The following BAZ2A variants were observed in gnomAD, a reference collection of about 807,000 sequenced individuals.
BAZ2A encodes the protein bromodomain adjacent to zinc finger domain protein 2A.
BAZ2A carries 34 observed loss-of-function variants against 199.9 expected under a neutral mutation model. The ratio of observed to expected loss-of-function variants is 0.17; its 90% CI spans 0.13 to 0.23. The LOEUF (loss-of-function observed/expected upper bound fraction) is 0.23. Ranked by LOEUF, BAZ2A falls within the 10% of genes least tolerant of loss-of-function variation. The pLI, the probability that BAZ2A is intolerant of heterozygous loss-of-function variation, is 1.00. For synonymous variants in BAZ2A, 857 were observed against 883.9 expected, an observed-to-expected ratio of 0.97 and a Z score of 0.54; for missense variants, 2,002 against 2,391.1, an observed-to-expected ratio of 0.84 and a Z score of 3.39.
chr12:56,624,257 C>G (rs1444170153), intron 1 of BAZ2A, among the ~76,000 whole-genome samples: 2 of 152,106 alleles, frequency 1.3e-5, no homozygotes, highest in Admixed American at 6.5e-5. Context: ...CCTTAACTAC[C>G]TTCCCTAGTC....
chr12:56,619,522 A>AG (rs1295753202), intron 1 of BAZ2A, among the ~76,000 whole-genome samples: 5 of 151,616 alleles, frequency 3.3e-5, no homozygotes, highest in South Asian at 2.1e-4. Context: ...AAAAAAAAAA[A>AG]AAAAGAAAAG....
At position 56,598,617 on chromosome 12, in the gene BAZ2A, C is replaced by T. The variant is rs757501515; in HGVS notation, c.*1G>A. 1.2e-6 allele frequency: 2 copies of T among 1,613,142 alleles called. No homozygotes were observed. The highest frequency in any genetic ancestry group is 3.3e-5 in the Admixed American group (2 of 59,944). ...CAAGGTGACTCCCCACCTCCCTTGC[C>T]TCACAGATTGGCCTGTTTTCCCTGA... On this transcript the variant is annotated 3_prime_UTR_variant, in exon 29 of 29. Transcript: ENST00000549884.
At position 56,601,362 on chromosome 12, in the gene BAZ2A, T is replaced by A. The variant is rs770383582; in HGVS notation, c.4112A>T (p.Gln1371Leu). The stretch of plus-strand genomic sequence containing the variant: ...CCCAGCCAAGGGCGTGGAAGAGAAC[T>A]GCACTGGAGAACAAGGGTTGGCAGC... ...PSAANPCSPV[Q>L]FSSTPLAGLA... The change falls in exon 21 of 29, where the codon CAG becomes CTG. Residue 1371 changes from glutamine (Q) to leucine (L), a missense_variant. This residue lies in a region of BAZ2A where 1,081 missense variants were observed against 1,274.7 expected (regional missense o/e 0.85). Coordinates refer to ENST00000549884, the MANE Select transcript of BAZ2A (RefSeq NM_001300905.2). The A allele has an allele frequency of 9.9e-6, 16 of 1,613,864 alleles. No homozygotes were observed. Among genetic ancestry groups the A allele is most frequent in the Non-Finnish European group, 1.3e-5 (15 of 1,179,870 alleles).
intron 1 of BAZ2A, 123 bp from the exon 2 acceptor site, chr12:56,617,655 T>C (rs1950766759): frequency 3.8e-6 from 4 of 1,052,256 alleles, no homozygotes; most frequent in Non-Finnish European, 5.3e-6. Flanking sequence ...ACCTAAGTAC[T>C]GTGTGAGGGA....
chr12:56,616,504 G>A (rs1950728268), intron 2 of BAZ2A, among the ~76,000 whole-genome samples: 1 of 152,190 alleles, frequency 6.6e-6, no homozygotes, highest in South Asian at 2.1e-4. Flanking sequence ...GCATTGGAAG[G>A]TAATATGCCA....
chr12:56,616,851 A>G (rs1014854169), intron 2 of BAZ2A, among the ~76,000 whole-genome samples: 10 of 152,182 alleles, frequency 6.6e-5, no homozygotes, highest in Non-Finnish European at 1.3e-4. Flanking sequence ...AAATCCAGGA[A>G]AAGACCCAAT....
At chr12:56,625,322 A>G (rs1036373571) in intron 1 of BAZ2A, among the ~76,000 whole-genome samples, 1 of 151,508 alleles carries the variant, frequency 6.6e-6, no homozygotes, top group African/African-American at 2.4e-5. Context: ...CACCCGGCTA[A>G]TTTTCATATT....
chr12:56,628,199 AGAC>A (rs1448604137), intron 1 of BAZ2A, among the ~76,000 whole-genome samples: 20 of 146,116 alleles, frequency 1.4e-4, no homozygotes, highest in African/African-American at 4.5e-4. Flanking sequence ...AAAAAAAAAA[AGAC>A]AGAAAGAAAA....
Position 56,598,855 on chromosome 12 carries a change from C to T in BAZ2A, c.5546+13G>A, listed in dbSNP as rs1886106274. The T allele has an allele frequency of 1.9e-6, 3 of 1,606,520 alleles. No homozygotes were observed. The Admixed American group carries it at 5.1e-5, about 27-fold the overall frequency. On this transcript the variant is annotated intron_variant, in intron 28 of 28. Coordinates refer to ENST00000549884, the MANE Select transcript of BAZ2A (RefSeq NM_001300905.2). The stretch of plus-strand genomic sequence containing the variant: ...AGTAGCAAAGACCGGGCGGTTCACC[C>T]ACATCTACTTACCCTCCCCTGAGCA...
At chr12:56,614,937 T>C in intron 3 of BAZ2A, 77 bp downstream of exon 3, 1 of 1,418,934 alleles carries the variant, frequency 7.0e-7, no homozygotes, top group Non-Finnish European at 9.7e-7. Flanking sequence ...AGACAAGTTT[T>C]TCTCACCTCA....
At chr12:56,604,054 T>G (rs1195751255) in intron 16 of BAZ2A, among the ~76,000 whole-genome samples, 163 bp downstream of exon 16, 4 of 151,392 alleles carry the variant, frequency 2.6e-5, no homozygotes. Context: ...AACATGATAG[T>G]GCCACAAAAG....
chr12:56,599,345 T>C lies in BAZ2A; in HGVS notation c.5186A>G (p.Glu1729Gly). Residue 1729 changes from glutamate to glycine, a missense_variant, in exon 27 of 29, where the codon GAA becomes GGA. Coordinates refer to ENST00000549884, the MANE Select transcript of BAZ2A (RefSeq NM_001300905.2). ...TGGGAAACCAGGCTTCTGAGTGAATTCTCCCTCCACCTGCTTAGTATAGGA... is the reference window on the plus strand; with the variant it reads ...TGGGAAACCAGGCTTCTGAGTGAATCCTCCCTCCACCTGCTTAGTATAGGA... ...TVCLAQQVEG[E>G]FTQKPGFPKR... The C allele has an allele frequency of 6.2e-7, 1 of 1,612,994 alleles. No individual in the cohort carries two copies. The highest frequency in any genetic ancestry group is 8.5e-7 in the Non-Finnish European group (1 of 1,179,710).
intron 18 of BAZ2A, among the ~76,000 whole-genome samples, chr12:56,603,124 C>T (rs1233716239): frequency 6.6e-6 from 1 of 151,896 alleles, no homozygotes; most frequent in Non-Finnish European, 1.5e-5. Flanking sequence ...TCTACAAAAA[C>T]ACAAAAATTA....
At chr12:56,607,188 T>C (rs1273918355) in intron 10 of BAZ2A, among the ~76,000 whole-genome samples, 1 of 152,072 alleles carries the variant, frequency 6.6e-6, no homozygotes, top group Non-Finnish European at 1.5e-5. Flanking sequence ...ACCAAGGGTG[T>C]GCCAGAAAAA....
rs781397966 is a variant in BAZ2A, at chr12:56,614,042, A to G, written c.827T>C (p.Leu276Ser). Residue 276 changes from leucine to serine, a missense_variant, in exon 4 of 29, where the codon TTA (leucine) becomes TCA (serine). Around this residue, in one of 6 missense-constraint regions of BAZ2A, gnomAD observed 641 missense variants for 694.5 expected, o/e 0.92. Transcript: ENST00000549884. ...ATCAGGAAGATGTGAAGGATCATCTAAACAGCTCACTGTGGGGTCAGGGAC... is the reference window on the plus strand; with the variant it reads ...ATCAGGAAGATGTGAAGGATCATCTGAACAGCTCACTGTGGGGTCAGGGAC... Reference protein sequence around the residue: ...VLVPDPTVSCLDDPSHLPDQL... With the variant: ...VLVPDPTVSCSDDPSHLPDQL... 10 of 1,614,010 alleles carry G rather than the reference A, an allele frequency of 6.2e-6. No homozygotes were observed. Among genetic ancestry groups the G allele is most frequent in the East Asian group, 4.5e-5 (2 of 44,890 alleles).
At chr12:56,612,270 G>C (rs969727619) in intron 5 of BAZ2A, 24 bp from the exon 6 acceptor site, 1 of 1,566,578 alleles carries the variant, frequency 6.4e-7, no homozygotes, top group African/African-American at 1.4e-5. Context: ...GGACAGGATA[G>C]GCTTTAAAAA....
upstream of BAZ2A, among the ~76,000 whole-genome samples, chr12:56,630,577 T>C (rs73335300): frequency 0.056 from 8,469 of 152,290 alleles, 782 homozygotes; most frequent in African/African-American, 0.19. Flanking sequence ...CAAGGTTAAC[T>C]TAAAAGACTA....
rs1034938748 is a variant in BAZ2A, at chr12:56,613,805, G to A, written c.916+148C>T. On this transcript the variant is annotated intron_variant, in intron 4 of 28. Transcript: ENST00000549884. ...GAATTCAGTTAGGGCACCAAGTCCT[G>A]TGGCATGTAACTGTGGTCTGCCTTA... 38 of 735,924 alleles carry A rather than the reference G, an allele frequency of 5.2e-5. 1 individual carries two copies. Among genetic ancestry groups the A allele is most frequent in the Non-Finnish European group, 6.7e-5 (32 of 475,092 alleles). The allele number at this position is 735,924 out of a possible 1,614,324, so 45.6% of individuals were successfully genotyped here. A position where few individuals can be genotyped will look rare whatever the true frequency, so the allele number is the denominator to read the frequency against.
chr12:56,630,082 G>A (rs900609738), intron 1 of BAZ2A, 43 bp downstream of exon 1: 2 of 950,206 alleles, frequency 2.1e-6, no homozygotes, highest in South Asian at 4.9e-5. Context: ...GATGAAAGCG[G>A]GGCTCCCTCC....
Sources: allele counts gnomAD v4.1 joint callset (sites outside exome capture counted in the v4.1 genomes callset), GRCh38; gene constraint gnomAD v4.1.1; regional missense constraint gnomAD v4.1.1; transcripts MANE v1.5; gene names NCBI Gene and HGNC (gene_info 2026-07-23, HGNC 2026-07-21).